KANK1: variants seen among roughly 807,000 people sequenced by gnomAD.
KANK1 encodes KN motif and ankyrin repeat domain-containing protein 1.
A neutral mutation model predicts 106.2 loss-of-function variants in KANK1; 109 were observed. The observed-to-expected ratio is 1.03, with a 90% CI of 0.88 to 1.20. The LOEUF (loss-of-function observed/expected upper bound fraction) is 1.20, where lower values mean the gene tolerates loss of function less well. Among genes scored for constraint, KANK1 ranks in the 50% most tolerant of loss-of-function variants. The pLI is 0.00. For synonymous variants in KANK1, 873 were observed against 652.2 expected (o/e 1.34, Z -5.16); for missense variants, 2,399 against 1,710.7 (o/e 1.40, Z -7.10).
intron 1 of KANK1, among the ~76,000 whole-genome samples, chr9:541,737 A>T (rs1013534056): frequency 1.3e-5 from 2 of 152,206 alleles, no homozygotes; most frequent in African/African-American, 4.8e-5. Flanking sequence ...AGGGGTTAAT[A>T]TATAAAATAT....
intron 2 of KANK1, among the ~76,000 whole-genome samples, chr9:700,775 CATAA>C (rs766600434): frequency 1.3e-5 from 2 of 152,200 alleles, no homozygotes; most frequent in Non-Finnish European, 2.9e-5. Context: ...AAGAAAAACA[CATAA>C]ATAGTGTGTG....
At chr9:592,354 C>A (rs1373971879) in intron 1 of KANK1, among the ~76,000 whole-genome samples, 1 of 151,798 alleles carries the variant, frequency 6.6e-6, no homozygotes, top group East Asian at 1.9e-4. Context: ...GGAGGGGGAA[C>A]CATGTTAATT....
chr9:664,132 A>G (rs7048080), intron 1 of KANK1, among the ~76,000 whole-genome samples: 30,339 of 152,020 alleles, frequency 0.2, 3,317 homozygotes, highest in East Asian at 0.32. Flanking sequence ...GATTAATGTT[A>G]ACTGTAGTTG....
chr9:683,204 C>T (rs1352758822), intron 2 of KANK1, among the ~76,000 whole-genome samples: 1 of 152,178 alleles, frequency 6.6e-6, no homozygotes, highest in African/African-American at 2.4e-5. Context: ...TGCTTTAATT[C>T]ATGGGTACCC....
At chr9:472,316 T>C (rs1254562747) in intron 2 of KANK1, among the ~76,000 whole-genome samples, 1 of 152,238 alleles carries the variant, frequency 6.6e-6, no homozygotes, top group African/African-American at 2.4e-5. Flanking sequence ...TCTAACTCTT[T>C]CCACTTTCCT....
rs1563696626 is a variant in KANK1, at chr9:514,123, T to TCTCTCTCCCTCC, written c.-84+9373_-84+9384dup. Among the ~76,000 whole-genome samples the TCTCTCTCCCTCC allele has an allele frequency of 2.3e-4, 18 of 79,792 alleles. 1 individual carries two copies. Among genetic ancestry groups the TCTCTCTCCCTCC allele is most frequent in the Admixed American group, 1.6e-3 (15 of 9,334 alleles). The allele number at this position is 79,792 out of a possible 152,430, so 52.3% of individuals were successfully genotyped here. On this transcript the variant is annotated intron_variant, in intron 1 of 11. Transcript: ENST00000382297. ...TACTCCCTCCCTCTCTTCCTCCCTC[T>TCTCTCTCCCTCC]CTCTCTCCCTCCCTCCCTCCCTTCC...
At chr9:665,263 TC>T (rs1844308053) in intron 1 of KANK1, among the ~76,000 whole-genome samples, 2 of 152,196 alleles carry the variant, frequency 1.3e-5, no homozygotes. Context: ...CTGGAGCATT[TC>T]CCCAATGTTT....
At chr9:743,191 G>C (rs192683380) in intron 10 of KANK1, among the ~76,000 whole-genome samples, 3 of 152,316 alleles carry the variant, frequency 2.0e-5, no homozygotes, top group African/African-American at 7.2e-5. Context: ...TCACAGGTTT[G>C]GATCAGAGCT....
At chr9:493,194 G>T (rs1206511790) in intron 3 of KANK1, among the ~76,000 whole-genome samples, 1 of 150,488 alleles carries the variant, frequency 6.6e-6, no homozygotes, top group Non-Finnish European at 1.5e-5. Context: ...CTGAGATTCG[G>T]TTATAAAAGA....
Position 711,815 on chromosome 9 carries a change from A to C in KANK1, c.1049A>C (p.Glu350Ala). The change falls in exon 3 of 12, where the codon GAG becomes GCG. Residue 350 changes from glutamate to alanine, a missense_variant. Physicochemically the swap from Glu to Ala is moderately radical, Grantham distance 107 (BLOSUM62 -1). Transcript: ENST00000382297. ...RSGGELYIDY[E>A]EEEMETVEQS... ...GGCGGGGAATTATACATTGACTATGAGGAGGAAGAAATGGAGACCGTAGAA... is the reference window on the plus strand; with the variant it reads ...GGCGGGGAATTATACATTGACTATGCGGAGGAAGAAATGGAGACCGTAGAA... 1 of 1,614,086 alleles carries C rather than the reference A, an allele frequency of 6.2e-7. No individual in the cohort carries two copies. The highest frequency in any genetic ancestry group is 8.5e-7 in the Non-Finnish European group (1 of 1,180,004).
chr9:635,511 A>G (rs576821207), intron 1 of KANK1, among the ~76,000 whole-genome samples: 2 of 147,322 alleles, frequency 1.4e-5, no homozygotes, highest in East Asian at 4.2e-4. Context: ...AGATGGAAGT[A>G]CTCTTACATC....
intron 1 of KANK1, among the ~76,000 whole-genome samples, chr9:553,981 C>T (rs2061428135): frequency 6.6e-6 from 1 of 152,198 alleles, no homozygotes; most frequent in African/African-American, 2.4e-5. Flanking sequence ...GGCTCCAACC[C>T]CAGACCTTCT....
chr9:533,473 T>C lies in KANK1; in HGVS notation c.-84+28719T>C, dbSNP rs150555217. On this transcript the variant is annotated intron_variant, in intron 1 of 11. Transcript: ENST00000382297. ...AAAGTGGCAGGCACAGTCTAAATACTACCTAGTGCTCCTGCACAGGCATAG... is the reference window on the plus strand; with the variant it reads ...AAAGTGGCAGGCACAGTCTAAATACCACCTAGTGCTCCTGCACAGGCATAG... Among the ~76,000 whole-genome samples the C allele has an allele frequency of 2.0e-4, 30 of 152,350 alleles. 1 individual carries two copies. The East Asian group carries it at 5.8e-3, about 29-fold the overall frequency.
chr9:549,138 T>G (rs7861607), intron 1 of KANK1: 36 of 152,304 alleles, frequency 2.4e-4, no homozygotes, highest in African/African-American at 8.2e-4. Context: ...GTGTGAATTT[T>G]CAGCTTTTCA....
chr9:738,448 T>G lies in KANK1; in HGVS notation c.3497T>G (p.Leu1166Arg). ...GCAGACGGCAACGGCAACACAGCCCTCCATTACAGCGTGTCCCACTCCAAC... is the reference window on the plus strand; with the variant it reads ...GCAGACGGCAACGGCAACACAGCCCGCCATTACAGCGTGTCCCACTCCAAC... The part of the protein sequence containing the change: ...NLADGNGNTA[L>R]HYSVSHSNFE... The change falls in exon 8 of 12, where the codon CTC becomes CGC. Residue 1166 changes from leucine (L) to arginine (R), a missense_variant. Physicochemically the swap from Leu to Arg is moderately radical, Grantham distance 102. Transcript: ENST00000382297. 6.2e-7 allele frequency: 1 copy of G among 1,614,116 alleles called. No homozygotes were observed. The highest frequency in any genetic ancestry group is 8.5e-7 in the Non-Finnish European group (1 of 1,180,020).
intron 1 of KANK1, among the ~76,000 whole-genome samples, chr9:529,940 A>G (rs2059983082): frequency 6.6e-6 from 1 of 152,240 alleles, no homozygotes; most frequent in African/African-American, 2.4e-5. Flanking sequence ...CGTTGCCAGT[A>G]CAGTATGTTA....
At position 567,183 on chromosome 9, in the gene KANK1, G is replaced by A. The variant is rs116866084; in HGVS notation, c.-84+62429G>A. On this transcript the variant is annotated intron_variant, in intron 1 of 11. Coordinates refer to ENST00000382297, the MANE Select transcript of KANK1 (RefSeq NM_015158.5). ...TGCGGCCTTATTTCTGGGTTCTCTC[G>A]TCTGTTCCCTTGGTCTGTGTGTCTG... Among the ~76,000 whole-genome samples, 329 of 152,148 alleles carry A rather than the reference G, an allele frequency of 2.2e-3. 3 individuals carry two copies. The highest frequency in any genetic ancestry group is 3.5e-3 in the Non-Finnish European group (241 of 67,992).
intron 2 of KANK1, among the ~76,000 whole-genome samples, chr9:687,404 C>G (rs1158742866): frequency 6.6e-6 from 1 of 152,192 alleles, no homozygotes; most frequent in Non-Finnish European, 1.5e-5. Flanking sequence ...ATTCCCTTAT[C>G]TTAACTCTGA....
In KANK1 at chr9:470,965, A is replaced by G. The variant is rs540460241; in HGVS notation, c.-442+283A>G. ...GGTGCTAGCCACCTGGGTAGTCAAG[A>G]CAGGGCCCTGCACAGTTAATGTGAA... On this transcript the variant is annotated intron_variant, in intron 2 of 15. Coordinates refer to the KANK1 transcript ENST00000382303. 8.5e-5 allele frequency: 13 copies of G among 152,324 alleles called. 1 individual carries two copies. Among genetic ancestry groups the G allele is most frequent in the African/African-American group, 3.1e-4 (13 of 41,568 alleles). The allele number at this position is 152,324 out of a possible 1,614,324, so 9.4% of individuals were successfully genotyped here. A position where few individuals can be genotyped will look rare whatever the true frequency, so the allele number is the denominator to read the frequency against.
Sources: allele counts gnomAD v4.1 joint callset (sites outside exome capture counted in the v4.1 genomes callset), GRCh38; gene constraint gnomAD v4.1.1; transcripts MANE v1.5; gene names NCBI Gene and HGNC (gene_info 2026-07-23, HGNC 2026-07-21).